TSEN2: variants seen among roughly 807,000 people sequenced by gnomAD.
TSEN2 encodes tRNA splicing endonuclease subunit 2.
In TSEN2, 54 loss-of-function variants were observed where a neutral mutation model predicts 59.2. The ratio of observed to expected loss-of-function variants is 0.91; its 90% CI spans 0.73 to 1.14. The LOEUF is 1.14. Among genes scored for constraint, TSEN2 ranks in the 50% most tolerant of loss-of-function variants. The probability of loss-of-function intolerance (pLI) is 0.00; values close to 1 mark genes in which losing one functional copy is unlikely to be tolerated. For synonymous variants in TSEN2, 195 were observed against 198.2 expected (o/e 0.98, Z 0.14); for missense variants, 636 against 576.2 (o/e 1.10, Z -1.06).
intron 8 of TSEN2, among the ~76,000 whole-genome samples, chr3:12,522,088 G>A (rs1251147266): frequency 6.6e-6 from 1 of 152,134 alleles, no homozygotes; most frequent in Non-Finnish European, 1.5e-5. Context: ...TTTCATTATA[G>A]TGTATTGTTA....
downstream of TSEN2, among the ~76,000 whole-genome samples, chr3:12,535,904 C>T (rs184748615): frequency 5.9e-4 from 90 of 152,254 alleles, no homozygotes; most frequent in African/African-American, 2.0e-3. Flanking sequence ...ACGTTGGAAA[C>T]GTTGCTTGAT....
At position 12,505,783 on chromosome 3, in the gene TSEN2, C is replaced by CAAAAAAA. The variant is rs34334319; in HGVS notation, c.909+567_909+573dup. ...TGGGTGACAGAATGAAACTCTGTCTCAAAAAAAAAAAAAAAAAAAAAGGCT... is the reference window on the plus strand; with the variant it reads ...TGGGTGACAGAATGAAACTCTGTCTCAAAAAAAAAAAAAAAAAAAAAAAAAAAAGGCT... On this transcript the variant is annotated intron_variant, in intron 6 of 11. Transcript: ENST00000284995. Among the ~76,000 whole-genome samples the CAAAAAAA allele has an allele frequency of 2.4e-3, 206 of 84,676 alleles. 2 individuals are homozygous for CAAAAAAA. Among genetic ancestry groups the CAAAAAAA allele is most frequent in the African/African-American group, 8.3e-3 (188 of 22,764 alleles). The allele number at this position is 84,676 out of a possible 152,430, so 55.6% of individuals were successfully genotyped here.
intron 4 of TSEN2, 94 bp downstream of exon 4, chr3:12,496,648 C>T (rs930538194): frequency 4.8e-5 from 61 of 1,258,222 alleles, no homozygotes; most frequent in African/African-American, 7.4e-5. Context: ...CAGTCCACAC[C>T]TTTTTTTCTT....
intron 4 of TSEN2, among the ~76,000 whole-genome samples, chr3:12,496,934 TC>T (rs1166987792): frequency 2.0e-5 from 3 of 152,184 alleles, no homozygotes; most frequent in African/African-American, 7.2e-5. Flanking sequence ...AAAGAGGCTT[TC>T]ACAGAGGCCC....
downstream of TSEN2, among the ~76,000 whole-genome samples, chr3:12,535,791 CAAAGTG>C (rs1423097869): frequency 6.6e-6 from 1 of 152,180 alleles, no homozygotes; most frequent in Non-Finnish European, 1.5e-5. Flanking sequence ...CTCGGCCTCC[CAAAGTG>C]CTGGGATTTT....
chr3:12,517,880 A>G (rs2056294867), intron 7 of TSEN2, among the ~76,000 whole-genome samples: 1 of 151,982 alleles, frequency 6.6e-6, no homozygotes, highest in Non-Finnish European at 1.5e-5. Flanking sequence ...GTTGCTTGTT[A>G]CTCACATTGG....
At chr3:12,538,512 G>A (rs895997967), downstream of TSEN2, among the ~76,000 whole-genome samples, 1 of 152,080 alleles carries the variant, frequency 6.6e-6, no homozygotes, top group African/African-American at 2.4e-5. Context: ...CTGGGTGTTG[G>A]ATCCATCTCG....
intron 6 of TSEN2, among the ~76,000 whole-genome samples, chr3:12,512,670 A>G (rs2055600674): frequency 6.6e-6 from 1 of 152,266 alleles, no homozygotes; most frequent in Admixed American, 6.5e-5. Flanking sequence ...CTGTATTCCC[A>G]CATGCCACAT....
intron 4 of TSEN2, among the ~76,000 whole-genome samples, chr3:12,502,416 A>G (rs1407439259): frequency 1.3e-5 from 2 of 152,132 alleles, no homozygotes; most frequent in East Asian, 1.9e-4. Flanking sequence ...CAAGCCTGTC[A>G]TCCTAGCTAC....
chr3:12,511,451 A>G (rs1288200763), intron 6 of TSEN2, among the ~76,000 whole-genome samples: 26 of 152,232 alleles, frequency 1.7e-4, no homozygotes, highest in Non-Finnish European at 1.0e-4. Context: ...GAGACAGCTG[A>G]TTAGCCATTT....
At chr3:12,489,728 G>C in intron 1 of TSEN2, 56 bp from the exon 2 acceptor site, 1 of 1,483,730 alleles carries the variant, frequency 6.7e-7, no homozygotes, top group Non-Finnish European at 9.2e-7. Flanking sequence ...TCACATTTTG[G>C]ATCAAGGTAG....
At chr3:12,506,108 A>G (rs1038295995) in intron 6 of TSEN2, among the ~76,000 whole-genome samples, 1 of 152,218 alleles carries the variant, frequency 6.6e-6, no homozygotes, top group East Asian at 1.9e-4. Context: ...TTTTTCAAAA[A>G]TACTATAATT....
chr3:12,527,456 C>T (rs73013461), intron 8 of TSEN2, among the ~76,000 whole-genome samples: 292 of 131,780 alleles, frequency 2.2e-3, no homozygotes, highest in Middle Eastern at 7.4e-3. Flanking sequence ...TTTTTTTTTT[C>T]TTTTTTTTTT....
intron 3 of TSEN2, among the ~76,000 whole-genome samples, chr3:12,495,126 CAAAAAAAAAAA>C (rs1160986136): frequency 4.4e-5 from 3 of 68,712 alleles, no homozygotes; most frequent in South Asian, 6.3e-4. Flanking sequence ...ACTCCGTCTC[CAAAAAAAAAAA>C]AAAAAAAAAA....
chr3:12,487,130 C>T (rs2052697494), intron 1 of TSEN2, among the ~76,000 whole-genome samples: 1 of 152,146 alleles, frequency 6.6e-6, no homozygotes, highest in Non-Finnish European at 1.5e-5. Flanking sequence ...CAGTCCTGTT[C>T]GATTTGAAGA....
In TSEN2 at chr3:12,493,201, T is replaced by C. The variant is rs144307277; in HGVS notation, c.271+984T>C. 1.6e-3 allele frequency among the ~76,000 whole-genome samples: 251 copies of C among 152,350 alleles called. 3 individuals are homozygous for C. Among genetic ancestry groups the C allele is most frequent in the Non-Finnish European group, 9.7e-4 (66 of 68,030 alleles). On this transcript the variant is annotated intron_variant, in intron 3 of 11. Coordinates refer to ENST00000284995, the MANE Select transcript of TSEN2 (RefSeq NM_025265.4). ...GGACACTTAGATTGTTTCTGTATTT[T>C]GGCTTTTCTGAATAATACTGTTGTG...
chr3:12,510,529 G>A (rs995204102), intron 6 of TSEN2, among the ~76,000 whole-genome samples: 8 of 152,144 alleles, frequency 5.3e-5, no homozygotes, highest in African/African-American at 1.7e-4. Context: ...GAAACAAAGG[G>A]ACACACCAGG....
chr3:12,530,142 T>A, intron 10 of TSEN2: 1 of 1,338,106 alleles, frequency 7.5e-7, no homozygotes, highest in Non-Finnish European at 9.5e-7. Context: ...GGTGATCTGA[T>A]CTGGGTAGGC....
At chr3:12,518,967 C>T (rs1286290389) in intron 7 of TSEN2, 92 bp from the exon 8 acceptor site, 1 of 1,287,290 alleles carries the variant, frequency 7.8e-7, no homozygotes, top group Non-Finnish European at 1.1e-6. Flanking sequence ...ACTGCTTCAG[C>T]TCCACACTTA....
Sources: gnomAD v4.1 joint callset for allele counts (sites outside exome capture counted in the v4.1 genomes callset) on GRCh38, gnomAD v4.1.1 for gene constraint, MANE v1.5 for transcripts, NCBI Gene and HGNC (gene_info 2026-07-23, HGNC 2026-07-21) for gene names.